The following KCNN1 variants were observed in gnomAD, a reference collection of about 807,000 sequenced individuals.
KCNN1 encodes the protein small conductance calcium-activated potassium channel protein 1.
In KCNN1, 20 loss-of-function variants were observed where a neutral mutation model predicts 44.7. The observed-to-expected ratio is 0.45, with a 90% CI of 0.32 to 0.65. KCNN1 has a LOEUF of 0.65. Ranked by LOEUF, KCNN1 falls within the 30% of genes least tolerant of loss-of-function variation. The pLI, the probability that KCNN1 is intolerant of heterozygous loss-of-function variation, is 0.05. For missense variants in KCNN1, 632 were observed against 785.3 expected, an observed-to-expected ratio of 0.80 and a Z score of 2.33; for synonymous variants, 324 against 341.7, an observed-to-expected ratio of 0.95 and a Z score of 0.57.
chr19:17,967,013 G>A, upstream of KCNN1: 1 of 476,318 alleles, frequency 2.1e-6, no homozygotes, highest in East Asian at 1.5e-4. Flanking sequence ...ATATGGGCGG[G>A]GCTTGCGGGG....
At chr19:17,986,366 A>G (rs1362284170) in intron 5 of KCNN1, among the ~76,000 whole-genome samples, 1 of 151,442 alleles carries the variant, frequency 6.6e-6, no homozygotes, top group Non-Finnish European at 1.5e-5. Flanking sequence ...AAGTCTCAAA[A>G]AAAAAAAAAA....
intron 4 of KCNN1, 52 bp downstream of exon 4, chr19:17,982,179 G>C: frequency 7.3e-7 from 1 of 1,369,518 alleles, no homozygotes; most frequent in East Asian, 2.6e-5. Flanking sequence ...CGTCTCCCTG[G>C]ACCTCCATGC....
chr19:17,955,594 A>T (rs112367466), intron 2 of KCNN1, among the ~76,000 whole-genome samples: 13,868 of 149,632 alleles, frequency 0.093, 797 homozygotes, highest in Admixed American at 0.15. Flanking sequence ...GAAAGAAAAA[A>T]AATAATAATA....
At chr19:17,964,435 C>T (rs959108462), upstream of KCNN1, among the ~76,000 whole-genome samples, 9 of 152,270 alleles carry the variant, frequency 5.9e-5, no homozygotes, top group African/African-American at 1.4e-4. The surrounding 1 kb of genome is among the most constrained non-coding windows in gnomAD (Gnocchi z 4.3). Flanking sequence ...AGCCCTCAGG[C>T]CCCCTGCGGA....
Position 17,974,188 on chromosome 19 carries a change from C to T in KCNN1, c.300C>T (p.Phe100=), listed in dbSNP as rs374179343. 252 of 1,612,570 alleles carry T rather than the reference C, an allele frequency of 1.6e-4. 1 individual carries two copies. Among genetic ancestry groups the T allele is most frequent in the Middle Eastern group, 6.6e-4 (4 of 6,082 alleles). Residue 100 remains phenylalanine, a synonymous_variant, in exon 2 of 10, where the codon TTC becomes TTT. Transcript: ENST00000684775. This position sits in a 1 kb window ranked among gnomAD's most constrained non-coding sequence, Gnocchi z 7.3. ...GHRLGHRRAL[F]EKRKRLSDYA... Reference sequence around the variant, plus strand: ...GCCTGGGCCACCGGCGGGCGCTCTTCGAGAAGCGGAAGCGCCTCAGCGACT... The same window carrying T: ...GCCTGGGCCACCGGCGGGCGCTCTTTGAGAAGCGGAAGCGCCTCAGCGACT...
At chr19:17,975,299 T>A in intron 3 of KCNN1, 112 bp downstream of exon 3, 3 of 696,104 alleles carry the variant, frequency 4.3e-6, no homozygotes, top group Non-Finnish European at 7.4e-6. Context: ...TATAATTGGC[T>A]TCTGATAGAA....
rs369842978 is a variant in KCNN1, at chr19:17,975,242, C to A, written c.498+55C>A. ...CCTCTCCTCAAACCCCAGATCCCCC[C>A]ACACCAGCCCACCTTAGACCCCATC... On this transcript the variant is annotated intron_variant, in intron 3 of 9. Transcript: ENST00000684775. The A allele has an allele frequency of 3.0e-5, 39 of 1,284,050 alleles. No individual in the cohort carries two copies. In the East Asian group the frequency reaches 6.9e-4, roughly 23 times the overall value. The allele number at this position is 1,284,050 out of a possible 1,614,324, so 79.5% of individuals were successfully genotyped here.
At chr19:17,988,660 G>T in intron 6 of KCNN1, 135 bp downstream of exon 6, 1 of 722,694 alleles carries the variant, frequency 1.4e-6, no homozygotes, top group South Asian at 1.6e-5. Context: ...TCAAGACTGT[G>T]CTGGCTTTGG....
At chr19:17,986,392 C>T (rs2032597410) in intron 5 of KCNN1, among the ~76,000 whole-genome samples, 2 of 151,718 alleles carry the variant, frequency 1.3e-5, no homozygotes, top group African/African-American at 2.4e-5. Context: ...AAGAAACCTG[C>T]TGGGCTGTGT....
chr19:17,974,099 G>T lies in KCNN1; in HGVS notation c.211G>T (p.Asp71Tyr). The T allele has an allele frequency of 6.2e-7, 1 of 1,612,296 alleles. No homozygotes were observed. ...GCCCCAGGACCAGGACGATGACGAGGATGATGAGGAAGATGAGGCCGGCAG... is the reference window on the plus strand; with the variant it reads ...GCCCCAGGACCAGGACGATGACGAGTATGATGAGGAAGATGAGGCCGGCAG... The part of the protein sequence containing the change: ...GQPQDQDDDE[D>Y]DEEDEAGRQR... The change falls in exon 2 of 10, where the codon GAT becomes TAT. Residue 71 changes from aspartate (D) to tyrosine (Y), a missense_variant. Coordinates refer to ENST00000684775, the MANE Select transcript of KCNN1 (RefSeq NM_001386974.1). This position sits in a 1 kb window ranked among gnomAD's most constrained non-coding sequence, Gnocchi z 7.3.
chr19:17,965,227 T>C (rs2031769280), upstream of KCNN1, among the ~76,000 whole-genome samples: 1 of 150,050 alleles, frequency 6.7e-6, no homozygotes, highest in Non-Finnish European at 1.5e-5. Context: ...TGAGTGGAGA[T>C]CGTGCTGCTG....
intron 6 of KCNN1, among the ~76,000 whole-genome samples, chr19:17,989,387 G>A (rs1023892442): frequency 2.0e-5 from 3 of 152,210 alleles, no homozygotes; most frequent in Non-Finnish European, 2.9e-5. Flanking sequence ...GAACCTGAGA[G>A]GTGGAGGTCG....
At chr19:17,982,550 C>A (rs1416189515) in intron 4 of KCNN1, 9 of 985,176 alleles carry the variant, frequency 9.1e-6, no homozygotes, top group Non-Finnish European at 1.1e-5. Context: ...CCCCTCTGCC[C>A]GCTCCACTGG....
chr19:17,997,604 CG>C (rs2033043661), intron 9 of KCNN1, among the ~76,000 whole-genome samples: 1 of 151,300 alleles, frequency 6.6e-6, no homozygotes, highest in African/African-American at 2.4e-5. Flanking sequence ...TCATCCCCCC[CG>C]AGTAGCGGGG....
intron 1 of KCNN1, among the ~76,000 whole-genome samples, chr19:17,970,338 G>A (rs1321016805): frequency 1.1e-5 from 1 of 88,362 alleles, no homozygotes; most frequent in African/African-American, 4.2e-5. Flanking sequence ...TTTTTTTGGA[G>A]ACAGGGTCTC....
At chr19:17,967,430 G>A (rs1256471995) in intron 1 of KCNN1, 113 bp downstream of exon 1, 5 of 441,576 alleles carry the variant, frequency 1.1e-5, no homozygotes, top group Non-Finnish European at 1.5e-5. Context: ...GGGCCAAGAG[G>A]GAGGGTCTCC....
At chr19:17,968,280 C>T (rs2031888769) in intron 1 of KCNN1, among the ~76,000 whole-genome samples, 1 of 151,966 alleles carries the variant, frequency 6.6e-6, no homozygotes, top group Non-Finnish European at 1.5e-5. Flanking sequence ...GGCGGTCTGC[C>T]TTGGGGATTG....
rs145884142 is a variant in KCNN1, at chr19:17,952,568, G to A, written c.-203+1159G>A. Among the ~76,000 whole-genome samples, 1,050 of 152,216 alleles carry A rather than the reference G, an allele frequency of 6.9e-3. 5 individuals are homozygous for A. Among genetic ancestry groups the A allele is most frequent in the Admixed American group, 0.011 (170 of 15,290 alleles). On this transcript the variant is annotated intron_variant, in intron 1 of 10. Transcript: ENST00000222249. ...GAGGGGGTTCCTGCTTCCAGGTCTGGGGAAGCGCAGACATCCCCCTCCCTC... is the reference window on the plus strand; with the variant it reads ...GAGGGGGTTCCTGCTTCCAGGTCTGAGGAAGCGCAGACATCCCCCTCCCTC...
rs754580322 is a variant in KCNN1, at chr19:17,974,256, C to G, written c.368C>G (p.Thr123Arg). Residue 123 changes from threonine to arginine, a missense_variant, in exon 2 of 10, where the codon ACG (threonine) becomes AGG (arginine). Physicochemically the swap from Thr to Arg is moderately conservative, Grantham distance 71. Transcript: ENST00000684775. This position sits in a 1 kb window ranked among gnomAD's most constrained non-coding sequence, Gnocchi z 7.3. ...FGMFGIVVMV[T>R]ETELSWGVYT... Reference sequence around the variant, plus strand: ...ATGTTTGGCATCGTCGTCATGGTGACGGAGACCGAGCTGTCCTGGGGGGTG... The same window carrying G: ...ATGTTTGGCATCGTCGTCATGGTGAGGGAGACCGAGCTGTCCTGGGGGGTG... The G allele has an allele frequency of 6.2e-7, 1 of 1,600,010 alleles. No individual in the cohort carries two copies. The highest frequency in any genetic ancestry group is 8.5e-7 in the Non-Finnish European group (1 of 1,171,734).
Sources: gnomAD v4.1 joint callset for allele counts (sites outside exome capture counted in the v4.1 genomes callset) on GRCh38, gnomAD v4.1.1 for gene constraint, Gnocchi (gnomAD v3.1) non-coding constraint, MANE v1.5 for transcripts, NCBI Gene and HGNC (gene_info 2026-07-23, HGNC 2026-07-21) for gene names.